Variants in MTA3 observed in about 807,000 individuals in gnomAD.
MTA3 encodes the protein metastasis-associated protein MTA3.
In MTA3, 34 loss-of-function variants were observed where a neutral mutation model predicts 83.5. The ratio of observed to expected loss-of-function variants is 0.41; its 90% CI spans 0.31 to 0.54. The LOEUF is 0.54. MTA3 is among the 20% of genes least tolerant of loss of function. The probability of loss-of-function intolerance (pLI) is 0.33; values close to 1 mark genes in which losing one functional copy is unlikely to be tolerated. For missense variants in MTA3, 761 were observed against 726.4 expected (o/e 1.05, Z -0.55); for synonymous variants, 303 against 252.7 (o/e 1.20, Z -1.89).
chr2:42,744,400 G>GGCC (rs1398695096), intron 16 of MTA3, among the ~76,000 whole-genome samples: 2 of 152,248 alleles, frequency 1.3e-5, no homozygotes, highest in Admixed American at 1.3e-4. Flanking sequence ...GCCCCTCAGA[G>GGCC]GCCTAGACTT....
chr2:42,670,270 A>C (rs1453240638), intron 8 of MTA3, among the ~76,000 whole-genome samples: 1 of 152,212 alleles, frequency 6.6e-6, no homozygotes, highest in Non-Finnish European at 1.5e-5. Flanking sequence ...AAAAAAAAAA[A>C]AAAAATCTTA....
intron 2 of MTA3, among the ~76,000 whole-genome samples, chr2:42,577,214 A>G (rs1679159060): frequency 6.6e-6 from 1 of 150,574 alleles, no homozygotes; most frequent in Non-Finnish European, 1.5e-5. Context: ...ACAGTTGCAG[A>G]CTGGCACTGG....
chr2:42,754,350 G>A lies in MTA3; in HGVS notation c.*951G>A, dbSNP rs1301934328. ...GTGAGAGAACTGTGTTTGTGGGTAT[G>A]AGTCTGTGTGGCCAACCCCATGACC... On this transcript the variant is annotated 3_prime_UTR_variant, in exon 17 of 17. Transcript: ENST00000405094. 2.0e-6 allele frequency: 2 copies of A among 985,538 alleles called. No homozygotes were observed. Among genetic ancestry groups the A allele is most frequent in the Non-Finnish European group, 2.4e-6 (2 of 830,016 alleles). 61.0% of individuals were successfully genotyped at this position (985,538 alleles called of 1,614,324 possible). A position where few individuals can be genotyped will look rare whatever the true frequency, so the allele number is the denominator to read the frequency against.
chr2:42,610,644 A>G (rs1343909558), intron 4 of MTA3, among the ~76,000 whole-genome samples: 2 of 152,162 alleles, frequency 1.3e-5, no homozygotes, highest in Non-Finnish European at 2.9e-5. Flanking sequence ...GTAGTGTATA[A>G]TCAGTGCATC....
At position 42,620,503 on chromosome 2, in the gene MTA3, CTTTTT is replaced by C. The variant is rs570145887; in HGVS notation, c.317+10920_317+10924del. 1.8e-3 allele frequency among the ~76,000 whole-genome samples: 274 copies of C among 152,170 alleles called. 1 individual carries two copies. Among genetic ancestry groups the C allele is most frequent in the African/African-American group, 6.3e-3 (262 of 41,524 alleles). On this transcript the variant is annotated intron_variant, in intron 4 of 16. Transcript: ENST00000405094. ...TATTGATGTGTGATGGTTTTCTTTT[CTTTTT>C]GAGAGATAGGGTCTCGCTCTGTTGC... is the stretch of plus-strand genomic sequence containing the variant.
chr2:42,650,724 C>T (rs1257129702), intron 6 of MTA3, among the ~76,000 whole-genome samples: 2 of 152,116 alleles, frequency 1.3e-5, no homozygotes, highest in African/African-American at 4.8e-5. Flanking sequence ...CCACCGCACC[C>T]TTGATTGTGT....
intron 3 of MTA3, among the ~76,000 whole-genome samples, chr2:42,609,032 ATT>A (rs11460512): frequency 2.9e-5 from 4 of 136,034 alleles, no homozygotes; most frequent in Admixed American, 7.7e-5. Flanking sequence ...TAAATGTTTA[ATT>A]TTTTTTTTTT....
intron 2 of MTA3, among the ~76,000 whole-genome samples, chr2:42,552,291 G>T (rs2103778410): frequency 6.6e-6 from 1 of 152,284 alleles, no homozygotes; most frequent in South Asian, 2.1e-4. Flanking sequence ...AGAAGTAAGG[G>T]GAGAGGTATG....
chr2:42,581,127 C>T (rs949432552), intron 3 of MTA3, among the ~76,000 whole-genome samples: 3 of 152,044 alleles, frequency 2.0e-5, no homozygotes, highest in Non-Finnish European at 2.9e-5. Context: ...AGAAAGTGTT[C>T]ATTATTTCAA....
intron 16 of MTA3, among the ~76,000 whole-genome samples, chr2:42,744,898 G>A (rs886821387): frequency 6.6e-6 from 1 of 152,144 alleles, no homozygotes; most frequent in African/African-American, 2.4e-5. Flanking sequence ...ATGAAGAAGT[G>A]AGGAGAAGCC....
intron 2 of MTA3, among the ~76,000 whole-genome samples, chr2:42,505,770 ATTT>A (rs370638507): frequency 7.2e-6 from 1 of 139,108 alleles, no homozygotes; most frequent in Admixed American, 7.5e-5. Context: ...CAAATTGATA[ATTT>A]TTTTTTTTTT....
At chr2:42,723,981 T>C (rs1469498091) in intron 16 of MTA3, among the ~76,000 whole-genome samples, 2 of 152,146 alleles carry the variant, frequency 1.3e-5, no homozygotes, top group Non-Finnish European at 2.9e-5. Context: ...CATTTATAGG[T>C]TATCAATGTG....
chr2:42,681,814 C>G (rs1174624482), intron 8 of MTA3, among the ~76,000 whole-genome samples: 1 of 150,956 alleles, frequency 6.6e-6, no homozygotes, highest in Non-Finnish European at 1.5e-5. Context: ...TGTGGCCTGG[C>G]TAGACTTTCA....
At position 42,680,450 on chromosome 2, in the gene MTA3, A is replaced by G. The variant is rs190201863; in HGVS notation, c.703-1951A>G. 2.8e-3 allele frequency among the ~76,000 whole-genome samples: 421 copies of G among 152,316 alleles called. 2 individuals are homozygous for G. The highest frequency in any genetic ancestry group is 9.8e-3 in the African/African-American group (407 of 41,574). On this transcript the variant is annotated intron_variant, in intron 8 of 16. Transcript: ENST00000405094. Reference sequence around the variant, plus strand: ...GCTATCCCCATTTGTGAAATTTTTAATAAGTAGCAGGAGATACTTTGCGTA... The same window carrying G: ...GCTATCCCCATTTGTGAAATTTTTAGTAAGTAGCAGGAGATACTTTGCGTA...
At chr2:42,567,683 G>T (rs1415638290), upstream of MTA3, among the ~76,000 whole-genome samples, 2 of 151,616 alleles carry the variant, frequency 1.3e-5, no homozygotes, top group Admixed American at 6.6e-5. Context: ...TAGGAAGGCC[G>T]TGAAAACAGA....
chr2:42,637,213 T>G (rs1182306887), intron 4 of MTA3, among the ~76,000 whole-genome samples: 1 of 152,216 alleles, frequency 6.6e-6, no homozygotes, highest in Admixed American at 6.6e-5. Context: ...TTATAGCAAT[T>G]CTGTACTCCT....
In MTA3 at chr2:42,560,592, A is replaced by AACAC. The variant is rs368564576; in HGVS notation, c.-140-9830_-140-9827dup. On this transcript the variant is annotated intron_variant, in intron 2 of 17. Coordinates refer to the MTA3 transcript ENST00000405592. ...AAACAACAAAACAAAAAACAAACAA[A>AACAC]ACACACACACACACACACTCAAAAC... Among the ~76,000 whole-genome samples, 128 of 149,396 alleles carry AACAC rather than the reference A, an allele frequency of 8.6e-4. 1 individual carries two copies. The highest frequency in any genetic ancestry group is 3.0e-3 in the African/African-American group (120 of 40,624).
intron 8 of MTA3, among the ~76,000 whole-genome samples, chr2:42,666,360 A>C (rs921824397): frequency 1.3e-5 from 2 of 152,108 alleles, no homozygotes; most frequent in Admixed American, 1.3e-4. Flanking sequence ...TTTTAATTGC[A>C]TGTAGGGTTA....
At chr2:42,630,241 A>C (rs958618770) in intron 4 of MTA3, among the ~76,000 whole-genome samples, 36 of 152,166 alleles carry the variant, frequency 2.4e-4, no homozygotes, top group African/African-American at 8.7e-4. Flanking sequence ...AAGTGAGCCA[A>C]AGTGCAGCCT....
Sources: gnomAD v4.1 joint callset for allele counts (sites outside exome capture counted in the v4.1 genomes callset) on GRCh38, gnomAD v4.1.1 for gene constraint, MANE v1.5 for transcripts, NCBI Gene and HGNC (gene_info 2026-07-23, HGNC 2026-07-21) for gene names.